Variants in VEGFA observed in about 807,000 individuals in gnomAD.
VEGFA encodes the protein vascular endothelial growth factor A, long form.
VEGFA carries 20 observed loss-of-function variants against 49.7 expected under a neutral mutation model. That is an observed-to-expected ratio of 0.40 (90% CI 0.28 to 0.58). VEGFA has a LOEUF of 0.58. Ranked by LOEUF, VEGFA falls within the 20% of genes least tolerant of loss-of-function variation. The pLI is 0.40. For missense variants in VEGFA, 505 were observed against 553.5 expected, an observed-to-expected ratio of 0.91 and a Z score of 0.88; for synonymous variants, 219 against 223.4, an observed-to-expected ratio of 0.98 and a Z score of 0.18.
At chr6:43,778,160 A>G in intron 3 of VEGFA, 1 of 526,644 alleles carries the variant, frequency 1.9e-6, no homozygotes, top group East Asian at 3.4e-5. Flanking sequence ...GAGAGGATGA[A>G]AGAAGGGGAG....
At position 43,777,134 on chromosome 6, in the gene VEGFA, A is replaced by G. The variant is rs1253591792; in HGVS notation, c.659-335A>G. Reference sequence around the variant, plus strand: ...AAAGCTTAGAGCATCCCCATGGGGTATACCCATACTCAGACTGTCCTCTGG... The same window carrying G: ...AAAGCTTAGAGCATCCCCATGGGGTGTACCCATACTCAGACTGTCCTCTGG... On this transcript the variant is annotated intron_variant, in intron 2 of 7. Transcript: ENST00000672860. The surrounding 1 kb of genome is among the most constrained non-coding windows in gnomAD (Gnocchi z 4.3). 8 of 408,510 alleles carry G rather than the reference A, an allele frequency of 2.0e-5. No homozygotes were observed. The highest frequency in any genetic ancestry group is 1.9e-5 in the Non-Finnish European group (4 of 214,206). 25.3% of individuals were successfully genotyped at this position (408,510 alleles called of 1,614,324 possible).
chr6:43,784,721 G>T lies in VEGFA; in HGVS notation c.*159G>T, dbSNP rs987423086. 20 of 1,396,878 alleles carry T rather than the reference G, an allele frequency of 1.4e-5. 1 individual carries two copies. In the Admixed American group the frequency reaches 2.5e-4, roughly 18 times the overall value. 86.5% of individuals were successfully genotyped at this position (1,396,878 alleles called of 1,614,324 possible). A position where few individuals can be genotyped will look rare whatever the true frequency, so the allele number is the denominator to read the frequency against. Reference sequence around the variant, plus strand: ...AATCCAGAAACCTGAAATGAAGGAAGAGGAGACTCTGCGCAGAGCACTTTG... The same window carrying T: ...AATCCAGAAACCTGAAATGAAGGAATAGGAGACTCTGCGCAGAGCACTTTG... On this transcript the variant is annotated 3_prime_UTR_variant, in exon 8 of 8. Transcript: ENST00000672860.
rs774432825 is a variant in VEGFA, at chr6:43,784,610, T to A, written c.*48T>A. On this transcript the variant is annotated 3_prime_UTR_variant, in exon 8 of 8. Coordinates refer to ENST00000672860, the MANE Select transcript of VEGFA (RefSeq NM_003376.6). ...CCCTCAGGGTTTCGGGAACCAGATC[T>A]CTCACCAGGAAAGACTGATACAGAA... 6.2e-7 allele frequency: 1 copy of A among 1,614,086 alleles called. No homozygotes were observed. The highest frequency in any genetic ancestry group is 2.2e-5 in the East Asian group (1 of 44,878).
rs533815997 is a variant in VEGFA at position 43,770,518 on chromosome 6, C to A, written c.-189C>A. 1.3e-5 allele frequency: 16 copies of A among 1,257,290 alleles called. No individual in the cohort carries two copies. The highest frequency in any genetic ancestry group is 8.3e-5 in the Admixed American group (2 of 24,062). The allele number at this position is 1,257,290 out of a possible 1,614,324, so 77.9% of individuals were successfully genotyped here. On this transcript the variant is annotated 5_prime_UTR_variant, in exon 1 of 8. Transcript: ENST00000672860. ...AATCACTGTGGATTTTGGAAACCAGCAGAAAGAGGAAAGAGGTAGCAAGAG... is the reference window on the plus strand; with the variant it reads ...AATCACTGTGGATTTTGGAAACCAGAAGAAAGAGGAAAGAGGTAGCAAGAG...
rs1337298045 is a variant in VEGFA at position 43,773,887 on chromosome 6, CAGG to C, written c.607-451_607-449del. 5 of 207,084 alleles carry C rather than the reference CAGG, an allele frequency of 2.4e-5. No homozygotes were observed. The highest frequency in any genetic ancestry group is 5.0e-5 in the Admixed American group (1 of 19,964). The allele number at this position is 207,084 out of a possible 1,614,324, so 12.8% of individuals were successfully genotyped here. On this transcript the variant is annotated intron_variant, in intron 1 of 7. Coordinates refer to ENST00000672860, the MANE Select transcript of VEGFA (RefSeq NM_003376.6). The surrounding 1 kb of genome is among the most constrained non-coding windows in gnomAD (Gnocchi z 5.6). ...CTCACCCTGGTATTTGTCATGTCAGCAGGAGAAGGTCACCATGTTGTTTTTCTC... is the reference window on the plus strand; with the variant it reads ...CTCACCCTGGTATTTGTCATGTCAGCAGAAGGTCACCATGTTGTTTTTCTC...
At position 43,773,280 on chromosome 6, in the gene VEGFA, T is replaced by G. The variant is rs1223892066; in HGVS notation, c.607-1061T>G. 6.6e-6 allele frequency: 1 copy of G among 152,196 alleles called. No individual in the cohort carries two copies. Among genetic ancestry groups the G allele is most frequent in the Non-Finnish European group, 1.5e-5 (1 of 68,110 alleles). The allele number at this position is 152,196 out of a possible 1,614,324, so 9.4% of individuals were successfully genotyped here. The stretch of plus-strand genomic sequence containing the variant: ...ACAGTGGGACTCTCCCCTAGCAGGG[T>G]CTGGTGTTCCGTAGGCTAGAGTGCC... On this transcript the variant is annotated intron_variant, in intron 1 of 7. Transcript: ENST00000672860. This position sits in a 1 kb window ranked among gnomAD's most constrained non-coding sequence, Gnocchi z 5.6.
rs79227207 is a variant in VEGFA, at chr6:43,781,730, C to T, written c.1035-226C>T. On this transcript the variant is annotated intron_variant, in intron 6 of 7. Transcript: ENST00000672860. Reference sequence around the variant, plus strand: ...GCAGCCTCTCCCTGCACTCTCTGCCCGTCTGTGCCCGCCTCTTCCTGCGGC... The same window carrying T: ...GCAGCCTCTCCCTGCACTCTCTGCCTGTCTGTGCCCGCCTCTTCCTGCGGC... 40 of 532,408 alleles carry T rather than the reference C, an allele frequency of 7.5e-5. No individual in the cohort carries two copies. The East Asian group carries it at 8.0e-4, about 11-fold the overall frequency. The allele number at this position is 532,408 out of a possible 1,614,324, so 33.0% of individuals were successfully genotyped here.
chr6:43,784,449 C>A, intron 7 of VEGFA, 92 bp from the exon 8 acceptor site: 1 of 1,295,504 alleles, frequency 7.7e-7, no homozygotes, highest in South Asian at 1.2e-5. Context: ...TGCAGTGACC[C>A]AGGGGCCCCC....
chr6:43,777,358 C>G lies in VEGFA; in HGVS notation c.659-111C>G. The G allele has an allele frequency of 8.0e-7, 1 of 1,252,552 alleles. No homozygotes were observed. The highest frequency in any genetic ancestry group is 1.1e-6 in the Non-Finnish European group (1 of 874,466). 77.6% of individuals were successfully genotyped at this position (1,252,552 alleles called of 1,614,324 possible). On this transcript the variant is annotated intron_variant, in intron 2 of 7. Transcript: ENST00000672860. The surrounding 1 kb of genome is among the most constrained non-coding windows in gnomAD (Gnocchi z 4.3). ...GGACTTACGTTAGATTTTGGAAGGA[C>G]TTGCCTGATTCGGAAGCTCCAAAGA...
At chr6:43,772,084 G>A in intron 1 of VEGFA, 1 of 985,516 alleles carries the variant, frequency 1.0e-6, no homozygotes, top group Non-Finnish European at 1.2e-6. Flanking sequence ...GCCCTCCGCG[G>A]GAAGGTGACC....
rs1769242715 is a variant in VEGFA at position 43,785,149 on chromosome 6, TG to T, written c.*591del. 1 of 189,416 alleles carries T rather than the reference TG, an allele frequency of 5.3e-6. No individual in the cohort carries two copies. The highest frequency in any genetic ancestry group is 1.1e-5 in the Non-Finnish European group (1 of 90,090). The allele number at this position is 189,416 out of a possible 1,614,324, so 11.7% of individuals were successfully genotyped here. ...ATGATCTTTTTTTTGTCCCACTTGGTGGGGCCAGGGTCCTCTCCCCTGCCCA... is the reference window on the plus strand; with the variant it reads ...ATGATCTTTTTTTTGTCCCACTTGGTGGGCCAGGGTCCTCTCCCCTGCCCA... On this transcript the variant is annotated 3_prime_UTR_variant, in exon 8 of 8. Transcript: ENST00000672860.
chr6:43,778,500 A>C lies in VEGFA; in HGVS notation c.896A>C (p.Glu299Ala), dbSNP rs756193427. Residue 299 changes from glutamate to alanine, a missense_variant, in exon 4 of 8, where the codon GAG (glutamate) becomes GCG (alanine). This residue lies in a region of VEGFA where 165 missense variants were observed against 231.7 expected (regional missense o/e 0.71). Coordinates refer to ENST00000672860, the MANE Select transcript of VEGFA (RefSeq NM_003376.6). ...CCTCACCAAGGCCAGCACATAGGAG[A>C]GATGAGCTTCCTACAGCACAACAAA... 1 of 1,614,096 alleles carries C rather than the reference A, an allele frequency of 6.2e-7. No homozygotes were observed. The highest frequency in any genetic ancestry group is 8.5e-7 in the Non-Finnish European group (1 of 1,180,000).
rs1000200646 is a variant in VEGFA, at chr6:43,785,229, C to T, written c.*667C>T. The T allele has an allele frequency of 5.1e-6, 1 of 197,366 alleles. No homozygotes were observed. Among genetic ancestry groups the T allele is most frequent in the Non-Finnish European group, 1.1e-5 (1 of 95,024 alleles). The allele number at this position is 197,366 out of a possible 1,614,324, so 12.2% of individuals were successfully genotyped here. On this transcript the variant is annotated 3_prime_UTR_variant, in exon 8 of 8. Coordinates refer to ENST00000672860, the MANE Select transcript of VEGFA (RefSeq NM_003376.6). ...AAATATGACCCAGTTTTGGGAACAC[C>T]GACAAACCCAGCCCTGGCGCTGAGC...
chr6:43,774,587 T>C (rs889271691), intron 2 of VEGFA, 195 bp downstream of exon 2: 4 of 653,590 alleles, frequency 6.1e-6, no homozygotes, highest in African/African-American at 1.8e-5. Flanking sequence ...AGGTCTCTGC[T>C]AGAAGTAGGA....
chr6:43,772,987 T>C (rs529379990), intron 1 of VEGFA, among the ~76,000 whole-genome samples: 13 of 151,802 alleles, frequency 8.6e-5, no homozygotes, highest in Admixed American at 1.3e-4. Context: ...CTTTCCTCCT[T>C]GGGGCCCAGG....
At position 43,770,747 on chromosome 6, in the gene VEGFA, A is replaced by G; in HGVS notation, c.41A>G (p.Tyr14Cys). The G allele has an allele frequency of 2.6e-6, 4 of 1,517,356 alleles. No homozygotes were observed. The highest frequency in any genetic ancestry group is 3.5e-6 in the Non-Finnish European group (4 of 1,142,460). 94.0% of individuals were successfully genotyped at this position (1,517,356 alleles called of 1,614,324 possible). A position where few individuals can be genotyped will look rare whatever the true frequency, so the allele number is the denominator to read the frequency against. Residue 14 changes from tyrosine to cysteine, a missense_variant, in exon 1 of 8, where the codon TAC (tyrosine) becomes TGC (cysteine). Physicochemically the swap from Tyr to Cys is radical, Grantham distance 194 (BLOSUM62 -2). Coordinates refer to ENST00000672860, the MANE Select transcript of VEGFA (RefSeq NM_003376.6). ...ACAGACACCGCCCCCAGCCCCAGCT[A>G]CCACCTCCTCCCCGGCCGGCGGCGG...
At position 43,774,006 on chromosome 6, in the gene VEGFA, G is replaced by T. The variant is rs535066580; in HGVS notation, c.607-335G>T. ...TGGCTTTGGACCAGGGAACTAGGGG[G>T]ATAGTGAGAGCAGGGAGAGGGAAGT... On this transcript the variant is annotated intron_variant, in intron 1 of 7. Transcript: ENST00000672860. 5.7e-5 allele frequency: 25 copies of T among 438,086 alleles called. No individual in the cohort carries two copies. In the East Asian group the frequency reaches 7.3e-4, roughly 13 times the overall value. The allele number at this position is 438,086 out of a possible 1,614,324, so 27.1% of individuals were successfully genotyped here. A position where few individuals can be genotyped will look rare whatever the true frequency, so the allele number is the denominator to read the frequency against.
chr6:43,781,812 G>C, intron 6 of VEGFA, 144 bp from the exon 7 acceptor site: 1 of 1,075,916 alleles, frequency 9.3e-7, no homozygotes, highest in Non-Finnish European at 1.4e-6. Context: ...TTGCTGTAGC[G>C]CTCGGATCCT....
Position 43,785,163 on chromosome 6 carries a change from T to C in VEGFA, c.*601T>C. 5.3e-6 allele frequency: 1 copy of C among 188,170 alleles called. No homozygotes were observed. Among genetic ancestry groups the C allele is most frequent in the Non-Finnish European group, 1.1e-5 (1 of 89,132 alleles). The allele number at this position is 188,170 out of a possible 1,614,324, so 11.7% of individuals were successfully genotyped here. ...GTCCCACTTGGTGGGGCCAGGGTCCTCTCCCCTGCCCAGGAATGTGCAAGG... is the reference window on the plus strand; with the variant it reads ...GTCCCACTTGGTGGGGCCAGGGTCCCCTCCCCTGCCCAGGAATGTGCAAGG... On this transcript the variant is annotated 3_prime_UTR_variant, in exon 8 of 8. Coordinates refer to ENST00000672860, the MANE Select transcript of VEGFA (RefSeq NM_003376.6).
Sources: allele counts gnomAD v4.1 joint callset (sites outside exome capture counted in the v4.1 genomes callset), GRCh38; gene constraint gnomAD v4.1.1; regional missense constraint gnomAD v4.1.1; non-coding constraint Gnocchi (gnomAD v3.1); transcripts MANE v1.5; gene names NCBI Gene and HGNC (gene_info 2026-07-23, HGNC 2026-07-21).